Variants in ANO4 observed in about 807,000 individuals in gnomAD.
ANO4 encodes the protein anoctamin-4.
ANO4 carries 69 observed loss-of-function variants against 141.9 expected under a neutral mutation model. The ratio of observed to expected loss-of-function variants is 0.49; its 90% CI spans 0.40 to 0.59. The LOEUF (loss-of-function observed/expected upper bound fraction) is 0.59, where lower values mean the gene tolerates loss of function less well. Among genes scored for constraint, ANO4 ranks in the 20% least tolerant of loss-of-function variants. The pLI, the probability that ANO4 is intolerant of heterozygous loss-of-function variation, is 0.00. For missense variants in ANO4, 894 were observed against 1,162.2 expected (o/e 0.77, Z 3.36); for synonymous variants, 350 against 394.3 (o/e 0.89, Z 1.33).
At chr12:101,002,062 T>C (rs939398341) in intron 8 of ANO4, among the ~76,000 whole-genome samples, 1 of 152,218 alleles carries the variant, frequency 6.6e-6, no homozygotes, top group South Asian at 2.1e-4. Context: ...CCAAATCCTT[T>C]CGGCCCTTCT....
chr12:101,028,343 A>G (rs2046828851), intron 9 of ANO4, among the ~76,000 whole-genome samples: 1 of 152,220 alleles, frequency 6.6e-6, no homozygotes, highest in Non-Finnish European at 1.5e-5. Flanking sequence ...ACAAATTGAC[A>G]TAAGTAGGCT....
intron 2 of ANO4, among the ~76,000 whole-genome samples, chr12:100,736,588 T>C (rs997765674): frequency 6.6e-6 from 1 of 152,110 alleles, no homozygotes; most frequent in African/African-American, 2.4e-5. Flanking sequence ...TGGGTTGAAA[T>C]GTATCCCCCA....
chr12:101,015,168 G>T (rs2046263770), intron 8 of ANO4, among the ~76,000 whole-genome samples: 1 of 152,112 alleles, frequency 6.6e-6, no homozygotes, highest in Non-Finnish European at 1.5e-5. Context: ...CTTACACATG[G>T]TAAAAATTTC....
intron 1 of ANO4, among the ~76,000 whole-genome samples, chr12:100,799,600 G>A (rs2034556253): frequency 6.6e-6 from 1 of 152,076 alleles, no homozygotes; most frequent in Non-Finnish European, 1.5e-5. Flanking sequence ...AATTAGCTGG[G>A]CATGGTGGGG....
chr12:101,025,637 G>A (rs953504895), intron 9 of ANO4, among the ~76,000 whole-genome samples: 9 of 152,210 alleles, frequency 5.9e-5, no homozygotes, highest in African/African-American at 1.9e-4. Flanking sequence ...TCACAGAGCA[G>A]TGAGGAGAAT....
At chr12:100,921,109 C>T (rs2041611381) in intron 2 of ANO4, among the ~76,000 whole-genome samples, 1 of 152,090 alleles carries the variant, frequency 6.6e-6, no homozygotes. Context: ...TGCATAGCCT[C>T]ATTCATTCAT....
At chr12:101,126,259 T>G (rs2051310032) in intron 26 of ANO4, among the ~76,000 whole-genome samples, 1 of 152,216 alleles carries the variant, frequency 6.6e-6, no homozygotes, top group South Asian at 2.1e-4. Context: ...TAAATTGTCA[T>G]CTAGTACTTC....
At position 101,116,723 on chromosome 12, in the gene ANO4, T is replaced by C; in HGVS notation, c.2495T>C (p.Ile832Thr). Residue 832 changes from isoleucine (I) to threonine (T), a missense_variant, in exon 25 of 28, where the codon ATT becomes ACT. Transcript: ENST00000392977. ...YVNASLSVFR[I>T]SDFENRSEPE... ...AATGCCAGCTTGTCTGTATTTCGAATTTCTGACTTTGAGAACCGATCTGAG... is the reference window on the plus strand; with the variant it reads ...AATGCCAGCTTGTCTGTATTTCGAACTTCTGACTTTGAGAACCGATCTGAG... 6.2e-7 allele frequency: 1 copy of C among 1,614,120 alleles called. No individual in the cohort carries two copies. Among genetic ancestry groups the C allele is most frequent in the Non-Finnish European group, 8.5e-7 (1 of 1,180,014 alleles).
chr12:100,773,718 A>G (rs2033385597), intron 3 of ANO4, among the ~76,000 whole-genome samples: 1 of 152,234 alleles, frequency 6.6e-6, no homozygotes, highest in Non-Finnish European at 1.5e-5. Flanking sequence ...AAAAAACCCA[A>G]CTTTATTGTG....
At chr12:100,733,791 G>A (rs1034075982) in exon 2 of ANO4, 6 of 701,946 alleles carry the variant, frequency 8.5e-6, no homozygotes, top group South Asian at 1.5e-5. Context: ...TGTGAGCAGC[G>A]GAAGTTATAA....
At chr12:101,057,696 C>A (rs922630041) in intron 14 of ANO4, among the ~76,000 whole-genome samples, 2 of 152,102 alleles carry the variant, frequency 1.3e-5, no homozygotes, top group Admixed American at 6.5e-5. Context: ...CCTTTGCCCA[C>A]TTTTTATGGG....
At chr12:100,846,068 A>C (rs2037540925) in intron 1 of ANO4, among the ~76,000 whole-genome samples, 1 of 152,240 alleles carries the variant, frequency 6.6e-6, no homozygotes, top group Non-Finnish European at 1.5e-5. Context: ...TAATCCATAA[A>C]ATGAAATTAT....
intron 1 of ANO4, among the ~76,000 whole-genome samples, chr12:100,833,515 A>G (rs1593460983): frequency 6.6e-6 from 1 of 152,092 alleles, no homozygotes; most frequent in African/African-American, 2.4e-5. Context: ...TAGATGTTCT[A>G]CCATTTACTA....
At chr12:100,941,553 C>G (rs2042512009) in intron 4 of ANO4, among the ~76,000 whole-genome samples, 1 of 152,034 alleles carries the variant, frequency 6.6e-6, no homozygotes, top group Non-Finnish European at 1.5e-5. Flanking sequence ...AGTGAATGAA[C>G]TGTCTATAAT....
intron 9 of ANO4, among the ~76,000 whole-genome samples, chr12:101,021,733 T>C (rs1023944193): frequency 1.2e-4 from 18 of 152,200 alleles, no homozygotes; most frequent in Admixed American, 1.0e-3. Flanking sequence ...TTAAAAAATA[T>C]TTACTAATTC....
rs199723211 is a variant in ANO4, at chr12:100,779,052, G to GA, written c.358+38957dup. Among the ~76,000 whole-genome samples the GA allele has an allele frequency of 1.4e-3, 192 of 133,374 alleles. 1 individual carries two copies. The highest frequency in any genetic ancestry group is 3.6e-3 in the African/African-American group (132 of 36,184). The allele number at this position is 133,374 out of a possible 152,430, so 87.5% of individuals were successfully genotyped here. On this transcript the variant is annotated intron_variant, in intron 3 of 29. Coordinates refer to the ANO4 transcript ENST00000644049. ...TGTATTACTACTACTATGACCAAAA[G>GA]AAAAAAAAAACAAAAAACAAAAAAA...
At chr12:100,780,313 A>C (rs1593317555) in intron 3 of ANO4, among the ~76,000 whole-genome samples, 1 of 152,332 alleles carries the variant, frequency 6.6e-6, no homozygotes, top group East Asian at 1.9e-4. Context: ...AAAGAAAGCA[A>C]GTTTATTAGA....
intron 2 of ANO4, among the ~76,000 whole-genome samples, chr12:100,736,440 A>G (rs2031619256): frequency 6.6e-6 from 1 of 152,198 alleles, no homozygotes; most frequent in Non-Finnish European, 1.5e-5. Flanking sequence ...GCCTGAGGAC[A>G]TATGAGAGTA....
At chr12:100,887,040 A>G (rs976923509) in intron 1 of ANO4, among the ~76,000 whole-genome samples, 6 of 152,182 alleles carry the variant, frequency 3.9e-5, no homozygotes, top group Non-Finnish European at 8.8e-5. Context: ...GATTGCCTGT[A>G]AAAAAATTTT....
Sources: gnomAD v4.1 joint callset for allele counts (sites outside exome capture counted in the v4.1 genomes callset) on GRCh38, gnomAD v4.1.1 for gene constraint, MANE v1.5 for transcripts, NCBI Gene and HGNC (gene_info 2026-07-23, HGNC 2026-07-21) for gene names.